The following CAST variants were observed in gnomAD, a reference collection of about 807,000 sequenced individuals.
CAST encodes the protein calpastatin.
Under a neutral mutation model 119.6 loss-of-function variants are expected in CAST, and 76 were observed. That is an observed-to-expected ratio of 0.64 (90% CI 0.53 to 0.77). The LOEUF is 0.77. Ranked by LOEUF, CAST falls within the 30% of genes least tolerant of loss-of-function variation. The pLI, the probability that CAST is intolerant of heterozygous loss-of-function variation, is 0.00. For missense variants in CAST, 953 were observed against 946.5 expected, an observed-to-expected ratio of 1.01 and a Z score of -0.09; for synonymous variants, 319 against 331.6, an observed-to-expected ratio of 0.96 and a Z score of 0.41.
At chr5:96,031,770 T>G in the CAST span, among the ~76,000 whole-genome samples, 2 of 152,136 alleles carry the variant, frequency 1.3e-5, no homozygotes, top group Non-Finnish European at 1.5e-5. Context: ...TAGTTATATA[T>G]TGGTGTGTAA....
At chr5:96,200,937 A>G in the CAST span, among the ~76,000 whole-genome samples, 2 of 152,152 alleles carry the variant, frequency 1.3e-5, no homozygotes, top group Non-Finnish European at 2.9e-5. Flanking sequence ...GGCTAGAAAT[A>G]ATAGGAATTT....
chr5:96,620,252 G>A (rs1428333702), intron 1 of CAST, among the ~76,000 whole-genome samples: 1 of 150,174 alleles, frequency 6.7e-6, no homozygotes, highest in Non-Finnish European at 1.5e-5. Flanking sequence ...ACAGCCTCAT[G>A]ATAAAAAGGT....
the CAST span, among the ~76,000 whole-genome samples, chr5:96,202,884 T>C: frequency 2.0e-5 from 3 of 152,244 alleles, no homozygotes; most frequent in Non-Finnish European, 4.4e-5. Flanking sequence ...TTAAGAATTA[T>C]ATATCTTTTT....
At chr5:96,636,580 T>G (rs6880040) in intron 1 of CAST, among the ~76,000 whole-genome samples, 24,013 of 152,086 alleles carry the variant, frequency 0.16, 2,940 homozygotes, top group African/African-American at 0.35. Context: ...ACCCTTAGAT[T>G]TGTGCTGCTG....
chr5:96,520,105 G>T, the CAST span, among the ~76,000 whole-genome samples: 1 of 151,980 alleles, frequency 6.6e-6, no homozygotes, highest in African/African-American at 2.4e-5. Flanking sequence ...ATACGTCCAG[G>T]TTTTGTACTT....
At chr5:96,351,726 A>G in the CAST span, among the ~76,000 whole-genome samples, 1 of 152,116 alleles carries the variant, frequency 6.6e-6, no homozygotes, top group Admixed American at 6.6e-5. Context: ...CAGTCTTTAA[A>G]TTGTCACTAG....
In CAST at chr5:96,765,914, C is replaced by A. The variant is rs980561761; in HGVS notation, c.2038-139C>A. ...GTCTGTTGAAGTCATCTGTGTTGTTCTGTTGCTTAAAAAATAAAAACAGAC... is the reference window on the plus strand; with the variant it reads ...GTCTGTTGAAGTCATCTGTGTTGTTATGTTGCTTAAAAAATAAAAACAGAC... On this transcript the variant is annotated intron_variant, in intron 26 of 31. Transcript: ENST00000675179. 3 of 581,462 alleles carry A rather than the reference C, an allele frequency of 5.2e-6. No homozygotes were observed. In the African/African-American group the frequency reaches 5.7e-5, roughly 11 times the overall value. The allele number at this position is 581,462 out of a possible 1,614,324, so 36.0% of individuals were successfully genotyped here.
intron 1 of CAST, among the ~76,000 whole-genome samples, chr5:96,663,959 A>C (rs1045480478): frequency 6.6e-6 from 1 of 150,840 alleles, no homozygotes. Flanking sequence ...AAAAAAAATC[A>C]CACACAGGAG....
chr5:96,395,183 T>C, the CAST span, among the ~76,000 whole-genome samples: 1 of 152,242 alleles, frequency 6.6e-6, no homozygotes, highest in Non-Finnish European at 1.5e-5. Context: ...GCTATAAAAA[T>C]TGACAATTTG....
chr5:96,046,747 G>C, the CAST span, among the ~76,000 whole-genome samples: 1 of 152,204 alleles, frequency 6.6e-6, no homozygotes, highest in Non-Finnish European at 1.5e-5. Context: ...AGAAGAAAAA[G>C]AGGTTTAATT....
At chr5:96,744,013 C>A (rs748612643) in intron 16 of CAST, among the ~76,000 whole-genome samples, 1 of 152,034 alleles carries the variant, frequency 6.6e-6, no homozygotes, top group Non-Finnish European at 1.5e-5. Flanking sequence ...TGTCATAAAC[C>A]TCAGGATCAA....
the CAST span, among the ~76,000 whole-genome samples, chr5:96,421,458 C>T: frequency 2.6e-5 from 4 of 152,164 alleles, no homozygotes; most frequent in African/African-American, 9.7e-5. Flanking sequence ...CTGTAGCCAC[C>T]GTCAGAAGTT....
chr5:96,299,033 A>G, the CAST span, among the ~76,000 whole-genome samples: 2 of 152,046 alleles, frequency 1.3e-5, no homozygotes, highest in African/African-American at 2.4e-5. Context: ...TGAGGTCAAG[A>G]GTTCAAGATT....
chr5:96,179,830 A>G, the CAST span, among the ~76,000 whole-genome samples: 2 of 152,048 alleles, frequency 1.3e-5, no homozygotes, highest in Admixed American at 1.3e-4. Context: ...AGGTCAGGAG[A>G]TCGAGACCAT....
chr5:96,534,190 A>G (rs926656842), intron 1 of CAST, among the ~76,000 whole-genome samples: 3 of 152,198 alleles, frequency 2.0e-5, no homozygotes, highest in African/African-American at 7.2e-5. Flanking sequence ...CATTTGGAGG[A>G]TCTGCAAATC....
intron 1 of CAST, among the ~76,000 whole-genome samples, chr5:96,607,039 A>G (rs1167378975): frequency 3.3e-5 from 5 of 152,186 alleles, no homozygotes; most frequent in Admixed American, 6.5e-5. Flanking sequence ...CTGTAATCCC[A>G]GCACTTTGGG....
the CAST span, chr5:96,432,856 CTCTTACCTGACCCAAAAGG>C: frequency 6.2e-7 from 1 of 1,612,800 alleles, no homozygotes; most frequent in Non-Finnish European, 8.5e-7. Context: ...AAAGTGGAAA[CTCTTACCTGACCCAAAAGG>C]TCATAGCCCA....
chr5:96,109,442 G>A, the CAST span, among the ~76,000 whole-genome samples: 1 of 152,210 alleles, frequency 6.6e-6, no homozygotes, highest in Non-Finnish European at 1.5e-5. Flanking sequence ...TTTGTAATCT[G>A]GAATCTTACT....
chr5:96,468,468 G>A, the CAST span, among the ~76,000 whole-genome samples: 2 of 152,002 alleles, frequency 1.3e-5, no homozygotes, highest in Admixed American at 1.3e-4. Context: ...AATGTTAGTG[G>A]GACCACAGCC....
Sources: allele counts gnomAD v4.1 joint callset (sites outside exome capture counted in the v4.1 genomes callset), GRCh38; gene constraint gnomAD v4.1.1; transcripts MANE v1.5; gene names NCBI Gene and HGNC (gene_info 2026-07-23, HGNC 2026-07-21).